Variants in DAB1 observed in about 807,000 individuals in gnomAD.
DAB1 encodes DAB adaptor protein 1.
DAB1 carries 15 observed loss-of-function variants against 64.6 expected under a neutral mutation model. That is an observed-to-expected ratio of 0.23 (90% CI 0.16 to 0.36). The LOEUF is 0.36. DAB1 is among the 10% of genes least tolerant of loss of function. DAB1 has a pLI of 1.00. For synonymous variants in DAB1, 235 were observed against 251.9 expected (o/e 0.93, Z 0.64); for missense variants, 596 against 706.7 (o/e 0.84, Z 1.78).
intron 2 of DAB1, among the ~76,000 whole-genome samples, chr1:57,234,475 A>C (rs775395952): frequency 4.6e-5 from 7 of 152,184 alleles, no homozygotes; most frequent in African/African-American, 7.2e-5. Flanking sequence ...TGAGTGCTTT[A>C]GTTTTTTTTG....
At chr1:58,477,754 C>T (rs565698715) in intron 3 of DAB1, among the ~76,000 whole-genome samples, 9 of 152,284 alleles carry the variant, frequency 5.9e-5, no homozygotes, top group East Asian at 1.9e-4. Context: ...CTGATAATAT[C>T]ATGATCCCCT....
chr1:57,121,868 G>A (rs1198685356), intron 4 of DAB1, among the ~76,000 whole-genome samples: 1 of 151,910 alleles, frequency 6.6e-6, no homozygotes, highest in Non-Finnish European at 1.5e-5. Flanking sequence ...CTGTGTAACA[G>A]ATCCACATGT....
chr1:57,568,167 A>C (rs1465594542), intron 7 of DAB1, among the ~76,000 whole-genome samples: 1 of 152,172 alleles, frequency 6.6e-6, no homozygotes, highest in Non-Finnish European at 1.5e-5. Context: ...CACAAACAAG[A>C]AATGGGGAAA....
At chr1:57,921,962 C>T (rs1448449380) in intron 5 of DAB1, among the ~76,000 whole-genome samples, 1 of 152,186 alleles carries the variant, frequency 6.6e-6, no homozygotes, top group Non-Finnish European at 1.5e-5. Context: ...TAACCCTCAC[C>T]TTCGTATTCA....
At chr1:57,074,428 A>G (rs1200670469) in intron 4 of DAB1, among the ~76,000 whole-genome samples, 1 of 152,100 alleles carries the variant, frequency 6.6e-6, no homozygotes, top group Non-Finnish European at 1.5e-5. Context: ...CTTTTAAGCC[A>G]TTAGGACCAC....
chr1:58,516,259 T>C (rs1350142432), intron 2 of DAB1, among the ~76,000 whole-genome samples: 1 of 152,240 alleles, frequency 6.6e-6, no homozygotes, highest in Non-Finnish European at 1.5e-5. Context: ...AATATCAGTT[T>C]TCTTTTCCAA....
chr1:57,713,591 T>C (rs183872147), intron 6 of DAB1, among the ~76,000 whole-genome samples: 3 of 152,282 alleles, frequency 2.0e-5, no homozygotes, highest in Admixed American at 2.0e-4. Flanking sequence ...AATTGGTTGT[T>C]AGAGAAACTA....
intron 7 of DAB1, among the ~76,000 whole-genome samples, chr1:57,600,614 G>A (rs1195648933): frequency 6.6e-6 from 1 of 152,184 alleles, no homozygotes; most frequent in African/African-American, 2.4e-5. Context: ...GAACCACAGA[G>A]AGGAAGCCCC....
intron 2 of DAB1, among the ~76,000 whole-genome samples, chr1:57,231,087 G>C (rs1336250337): frequency 1.3e-5 from 2 of 152,098 alleles, no homozygotes; most frequent in Non-Finnish European, 2.9e-5. Flanking sequence ...AGGCAACCTT[G>C]TTGCTATTTT....
intron 5 of DAB1, among the ~76,000 whole-genome samples, chr1:58,144,898 A>T (rs1654505037): frequency 6.6e-6 from 1 of 152,128 alleles, no homozygotes. Flanking sequence ...GGCAGACAGA[A>T]CTCCTTGTAC....
chr1:57,664,848 G>A (rs1570718183), intron 6 of DAB1, among the ~76,000 whole-genome samples: 2 of 151,968 alleles, frequency 1.3e-5, no homozygotes, highest in African/African-American at 4.8e-5. Context: ...GCATAATGAT[G>A]AGCCTACTTT....
At chr1:57,998,290 C>T (rs1014528301) in intron 5 of DAB1, among the ~76,000 whole-genome samples, 1 of 152,118 alleles carries the variant, frequency 6.6e-6, no homozygotes, top group Non-Finnish European at 1.5e-5. Flanking sequence ...CAGCTGTAAG[C>T]TGGGATAATA....
intron 7 of DAB1, among the ~76,000 whole-genome samples, chr1:57,499,761 A>G (rs147910606): frequency 6.6e-6 from 1 of 152,160 alleles, no homozygotes; most frequent in African/African-American, 2.4e-5. Flanking sequence ...CATGAAAGAT[A>G]TTTCCTCTTT....
chr1:58,290,380 G>C (rs1327949431), intron 4 of DAB1, among the ~76,000 whole-genome samples: 1 of 152,116 alleles, frequency 6.6e-6, no homozygotes, highest in South Asian at 2.1e-4. Context: ...TGAACAGTAT[G>C]AGCAAGTCAT....
intron 6 of DAB1, among the ~76,000 whole-genome samples, chr1:57,662,289 G>A (rs748832350): frequency 6.6e-6 from 1 of 152,112 alleles, no homozygotes; most frequent in Non-Finnish European, 1.5e-5. Flanking sequence ...TCCACCTCCC[G>A]GGTTCAAGTG....
intron 5 of DAB1, among the ~76,000 whole-genome samples, chr1:58,132,956 A>C (rs1653722770): frequency 6.6e-6 from 1 of 152,140 alleles, no homozygotes; most frequent in South Asian, 2.1e-4. Flanking sequence ...TCAATTCAAA[A>C]TTCTGAGATT....
chr1:58,501,032 C>T (rs945775039), intron 3 of DAB1, among the ~76,000 whole-genome samples: 3 of 152,162 alleles, frequency 2.0e-5, no homozygotes, highest in Non-Finnish European at 4.4e-5. Flanking sequence ...ATCTGCTCTT[C>T]ATTTTTTCAC....
chr1:58,412,447 T>C (rs576152644), intron 3 of DAB1, among the ~76,000 whole-genome samples: 2 of 152,334 alleles, frequency 1.3e-5, no homozygotes, highest in South Asian at 2.1e-4. Context: ...TTCTGGCCTG[T>C]TCATCACCAG....
intron 1 of DAB1, among the ~76,000 whole-genome samples, chr1:57,868,035 T>C (rs1035020035): frequency 1.1e-4 from 17 of 152,154 alleles, no homozygotes; most frequent in African/African-American, 4.1e-4. Flanking sequence ...CTTAACTTAG[T>C]AGAAAAGCTC....
Sources: allele counts gnomAD v4.1 joint callset (sites outside exome capture counted in the v4.1 genomes callset), GRCh38; gene constraint gnomAD v4.1.1; transcripts MANE v1.5; gene names NCBI Gene and HGNC (gene_info 2026-07-23, HGNC 2026-07-21).